The following CHLSN variants were observed in gnomAD, a reference collection of about 807,000 sequenced individuals.
CHLSN encodes the protein protein cholesin.
chr7:988,699 C>G, the CHLSN span: 1 of 1,599,994 alleles, frequency 6.3e-7, no homozygotes, highest in Non-Finnish European at 8.5e-7. Flanking sequence ...TTGCCGGCCT[C>G]CTGCAGAGGT....
the CHLSN span, among the ~76,000 whole-genome samples, chr7:1,107,503 T>C: frequency 6.6e-6 from 1 of 152,116 alleles, no homozygotes; most frequent in African/African-American, 2.4e-5. Context: ...GAAGGTTCTG[T>C]CTCCCAATCA....
chr7:1,015,985 C>T, the CHLSN span, among the ~76,000 whole-genome samples: 5 of 152,164 alleles, frequency 3.3e-5, no homozygotes, highest in Middle Eastern at 3.2e-3. Context: ...GCAGGACCAT[C>T]TAGTGTCTGA....
the CHLSN span, among the ~76,000 whole-genome samples, chr7:1,068,594 G>A: frequency 6.6e-6 from 1 of 152,144 alleles, no homozygotes; most frequent in East Asian, 1.9e-4. Context: ...CAGAAGACCA[G>A]GCCCCTGCCT....
At chr7:1,059,717 GCGGGGCGGGTCT>G in the CHLSN span, among the ~76,000 whole-genome samples, 13 of 42,214 alleles carry the variant, frequency 3.1e-4, no homozygotes, top group African/African-American at 1.2e-3. Context: ...GTGGGTCTTA[GCGGGGCGGGTCT>G]TAGGGGGGCG....
At chr7:1,009,872 G>A in the CHLSN span, 11 of 1,242,518 alleles carry the variant, frequency 8.9e-6, no homozygotes, top group East Asian at 7.6e-5. Flanking sequence ...CAGTGTGTGC[G>A]AGTGAAGGCT....
At chr7:1,024,818 T>G in the CHLSN span, 1 of 152,132 alleles carries the variant, frequency 6.6e-6, no homozygotes, top group Admixed American at 6.5e-5. Context: ...GAGCGGCTAT[T>G]TAGACTTGAT....
chr7:1,085,948 T>G, the CHLSN span, among the ~76,000 whole-genome samples: 3 of 152,196 alleles, frequency 2.0e-5, no homozygotes, highest in African/African-American at 7.2e-5. Context: ...GAGACGGAAG[T>G]TCCTGCAGTC....
At chr7:1,014,782 T>A in the CHLSN span, among the ~76,000 whole-genome samples, 1 of 152,226 alleles carries the variant, frequency 6.6e-6, no homozygotes, top group African/African-American at 2.4e-5. Flanking sequence ...GGGGGCCACA[T>A]TGGCCGCCGG....
At chr7:996,066 G>GTC in the CHLSN span, among the ~76,000 whole-genome samples, 6 of 152,246 alleles carry the variant, frequency 3.9e-5, no homozygotes, top group Non-Finnish European at 7.3e-5. Flanking sequence ...AGCCCTGGGT[G>GTC]TCTTCAGGGA....
At chr7:992,849 G>C in the CHLSN span, among the ~76,000 whole-genome samples, 1 of 152,206 alleles carries the variant, frequency 6.6e-6, no homozygotes, top group Non-Finnish European at 1.5e-5. Flanking sequence ...CTGTCTCTCC[G>C]GGCAGGTCTC....
At chr7:1,043,803 G>A in the CHLSN span, 10 of 152,414 alleles carry the variant, frequency 6.6e-5, no homozygotes, top group Admixed American at 3.9e-4. Context: ...AGGGCCAGTG[G>A]CCGCTATTCT....
the CHLSN span, among the ~76,000 whole-genome samples, chr7:1,050,587 G>A: frequency 1.1e-4 from 16 of 152,344 alleles, no homozygotes; most frequent in South Asian, 2.3e-3. Flanking sequence ...TGGTGCAGGC[G>A]GACGGACGCG....
At chr7:1,010,018 T>C in the CHLSN span, 14 of 1,604,904 alleles carry the variant, frequency 8.7e-6, no homozygotes, top group Non-Finnish European at 1.1e-5. Flanking sequence ...CCACAAGGCC[T>C]GCCTCCCGCA....
the CHLSN span, among the ~76,000 whole-genome samples, chr7:996,024 C>T: frequency 6.6e-6 from 1 of 152,220 alleles, no homozygotes; most frequent in Non-Finnish European, 1.5e-5. Flanking sequence ...CCTGAGTGGT[C>T]AGCCAGACCT....
At chr7:1,033,359 A>T in the CHLSN span, among the ~76,000 whole-genome samples, 2 of 152,260 alleles carry the variant, frequency 1.3e-5, no homozygotes, top group Admixed American at 1.3e-4. Flanking sequence ...GGAGTTCAAG[A>T]CCAGCCTGAC....
the CHLSN span, among the ~76,000 whole-genome samples, chr7:1,059,436 G>A: frequency 6.6e-6 from 1 of 152,132 alleles, no homozygotes; most frequent in Non-Finnish European, 1.5e-5. Context: ...GATGGGGCCC[G>A]GACCGGCCTG....
chr7:1,033,834 GA>G, the CHLSN span, among the ~76,000 whole-genome samples: 1 of 152,122 alleles, frequency 6.6e-6, no homozygotes, highest in Admixed American at 6.5e-5. Context: ...AGACACCCAG[GA>G]AATCAGTAAT....
chr7:1,093,353 C>T, the CHLSN span: 1 of 424,880 alleles, frequency 2.4e-6, no homozygotes, highest in Non-Finnish European at 5.0e-6. Context: ...CCTCTGTGCC[C>T]ACGGTCTGAG....
the CHLSN span, among the ~76,000 whole-genome samples, chr7:1,013,342 G>C: frequency 6.6e-6 from 1 of 152,242 alleles, no homozygotes; most frequent in Non-Finnish European, 1.5e-5. Context: ...CCAAGGGCTT[G>C]TAAATTACCT....
Sources: gnomAD v4.1 joint callset for allele counts (sites outside exome capture counted in the v4.1 genomes callset) on GRCh38, gnomAD v4.1.1 for gene constraint, MANE v1.5 for transcripts, NCBI Gene and HGNC (gene_info 2026-07-23, HGNC 2026-07-21) for gene names.